Variants in PLCZ1 observed in about 807,000 individuals in gnomAD.
The protein encoded by PLCZ1 is phospholipase C zeta 1.
In PLCZ1, 64 loss-of-function variants were observed where a neutral mutation model predicts 76.8. The observed-to-expected ratio is 0.83, with a 90% CI of 0.68 to 1.03. The LOEUF is 1.03. Ranked by LOEUF, PLCZ1 falls within the 50% of genes least tolerant of loss-of-function variation. The probability of loss-of-function intolerance (pLI) is 0.00; values close to 1 mark genes in which losing one functional copy is unlikely to be tolerated. For synonymous variants in PLCZ1, 248 were observed against 230.8 expected, an observed-to-expected ratio of 1.07 and a Z score of -0.68; for missense variants, 751 against 713.7, an observed-to-expected ratio of 1.05 and a Z score of -0.60.
At chr12:18,717,620 A>G (rs192465642) in intron 5 of PLCZ1, among the ~76,000 whole-genome samples, 1 of 152,238 alleles carries the variant, frequency 6.6e-6, no homozygotes, top group East Asian at 1.9e-4. Context: ...CATGGAAACC[A>G]CAGAACCCTT....
intron 4 of PLCZ1, among the ~76,000 whole-genome samples, chr12:18,721,933 T>C (rs765947028): frequency 1.3e-5 from 2 of 152,032 alleles, no homozygotes; most frequent in Non-Finnish European, 2.9e-5. Context: ...AAAATCTTTA[T>C]TGTGGCCTAT....
intron 3 of PLCZ1, among the ~76,000 whole-genome samples, chr12:18,726,838 C>T (rs1340171888): frequency 6.6e-6 from 1 of 152,064 alleles, no homozygotes; most frequent in Non-Finnish European, 1.5e-5. Flanking sequence ...AATGATATGA[C>T]TTGCCACTTT....
intron 6 of PLCZ1, among the ~76,000 whole-genome samples, chr12:18,707,782 G>C (rs1956791369): frequency 1.3e-5 from 2 of 152,132 alleles, no homozygotes; most frequent in Non-Finnish European, 2.9e-5. Context: ...CTGCAAAACT[G>C]AGTCACCTTG....
At chr12:18,701,383 G>A in intron 9 of PLCZ1, 118 bp downstream of exon 9, 1 of 1,527,574 alleles carries the variant, frequency 6.5e-7, no homozygotes, top group East Asian at 2.3e-5. Flanking sequence ...GTAAATGATA[G>A]ACTAGAGTTT....
the PLCZ1 span, among the ~76,000 whole-genome samples, chr12:18,652,468 A>G: frequency 6.6e-6 from 1 of 152,130 alleles, no homozygotes; most frequent in African/African-American, 2.4e-5. Context: ...GGAACCAACC[A>G]TTGATCTTGG....
chr12:18,691,612 A>G (rs966867201), intron 12 of PLCZ1, among the ~76,000 whole-genome samples: 1 of 152,126 alleles, frequency 6.6e-6, no homozygotes, highest in African/African-American at 2.4e-5. Context: ...TAGAAGAGCA[A>G]TGTGTGTAGA....
At chr12:18,677,124 G>C in the PLCZ1 span, among the ~76,000 whole-genome samples, 6 of 152,070 alleles carry the variant, frequency 3.9e-5, no homozygotes, top group Non-Finnish European at 8.8e-5. Context: ...TAGAAAAGGG[G>C]AGTCTGTATC....
chr12:18,700,254 G>C (rs563105487), intron 9 of PLCZ1, among the ~76,000 whole-genome samples: 1 of 151,558 alleles, frequency 6.6e-6, no homozygotes, highest in Non-Finnish European at 1.5e-5. Flanking sequence ...ATAATTTTAG[G>C]AATTTTTGTC....
At chr12:18,669,630 T>C in the PLCZ1 span, among the ~76,000 whole-genome samples, 1 of 151,480 alleles carries the variant, frequency 6.6e-6, no homozygotes, top group Non-Finnish European at 1.5e-5. Flanking sequence ...AATCCTCACA[T>C]GGCAGAGAGA....
the PLCZ1 span, among the ~76,000 whole-genome samples, chr12:18,663,567 C>A: frequency 1.3e-5 from 2 of 151,842 alleles, no homozygotes; most frequent in South Asian, 4.2e-4. Context: ...CACATTGATA[C>A]CAAAGGATGA....
chr12:18,736,887 A>T (rs1365409426), intron 2 of PLCZ1: 1 of 414,706 alleles, frequency 2.4e-6, no homozygotes, highest in Admixed American at 2.6e-5. Context: ...CTACACACAC[A>T]CTCAAGACAG....
intron 12 of PLCZ1, chr12:18,693,905 G>T: frequency 1.3e-6 from 2 of 1,528,416 alleles, no homozygotes; most frequent in South Asian, 2.2e-5. Context: ...GCTGGCTGAT[G>T]ATGTAACCCT....
chr12:18,705,030 G>A, intron 7 of PLCZ1, 136 bp downstream of exon 7: 2 of 1,048,880 alleles, frequency 1.9e-6, no homozygotes, highest in Non-Finnish European at 2.9e-6. Context: ...AGGCAACATT[G>A]CAAAAATAAA....
At chr12:18,663,497 A>G in the PLCZ1 span, among the ~76,000 whole-genome samples, 3 of 152,158 alleles carry the variant, frequency 2.0e-5, no homozygotes, top group Non-Finnish European at 4.4e-5. Flanking sequence ...ATGCTATTTT[A>G]TATCAGAGAT....
chr12:18,669,351 A>C, the PLCZ1 span, among the ~76,000 whole-genome samples: 1 of 152,220 alleles, frequency 6.6e-6, no homozygotes, highest in Non-Finnish European at 1.5e-5. Context: ...GCACCACAGT[A>C]AACATTATTT....
At chr12:18,670,301 C>T in the PLCZ1 span, among the ~76,000 whole-genome samples, 1 of 152,138 alleles carries the variant, frequency 6.6e-6, no homozygotes, top group African/African-American at 2.4e-5. Context: ...TGCGCACACA[C>T]ACACACACAC....
At chr12:18,660,080 ATCTG>A in the PLCZ1 span, among the ~76,000 whole-genome samples, 1 of 152,132 alleles carries the variant, frequency 6.6e-6, no homozygotes, top group Non-Finnish European at 1.5e-5. Flanking sequence ...CACTGACATA[ATCTG>A]TCTGAGGTAA....
At chr12:18,654,735 T>C in the PLCZ1 span, among the ~76,000 whole-genome samples, 1 of 152,182 alleles carries the variant, frequency 6.6e-6, no homozygotes, top group East Asian at 1.9e-4. Flanking sequence ...GATTATCTTT[T>C]ACATGGGACT....
chr12:18,722,853 T>G (rs538316715), intron 4 of PLCZ1, among the ~76,000 whole-genome samples: 2 of 152,196 alleles, frequency 1.3e-5, no homozygotes, highest in African/African-American at 4.8e-5. Flanking sequence ...ATTCATCAGT[T>G]TATAATATTT....
Sources: gnomAD v4.1 joint callset for allele counts (sites outside exome capture counted in the v4.1 genomes callset) on GRCh38, gnomAD v4.1.1 for gene constraint, MANE v1.5 for transcripts, NCBI Gene and HGNC (gene_info 2026-07-23, HGNC 2026-07-21) for gene names.